LUZP2: variants seen among roughly 807,000 people sequenced by gnomAD.
The protein encoded by LUZP2 is leucine zipper protein 2.
A neutral mutation model predicts 51.6 loss-of-function variants in LUZP2; 52 were observed. The ratio of observed to expected loss-of-function variants is 1.01; its 90% CI spans 0.81 to 1.27. The LOEUF (loss-of-function observed/expected upper bound fraction) is 1.27, where lower values mean the gene tolerates loss of function less well. Ranked by LOEUF, LUZP2 falls within the 50% of genes most tolerant of loss-of-function variation. The pLI is 0.00. For missense variants in LUZP2, 436 were observed against 395.4 expected, an observed-to-expected ratio of 1.10 and a Z score of -0.87; for synonymous variants, 154 against 137.3, an observed-to-expected ratio of 1.12 and a Z score of -0.85.
At chr11:24,543,810 A>G (rs1459738154) in intron 1 of LUZP2, among the ~76,000 whole-genome samples, 1 of 98,482 alleles carries the variant, frequency 1.0e-5, no homozygotes, top group Non-Finnish European at 1.8e-5. Context: ...TGACAGACTG[A>G]GACTCTGTCT....
At chr11:25,035,017 G>A (rs1857808531) in intron 9 of LUZP2, among the ~76,000 whole-genome samples, 1 of 151,970 alleles carries the variant, frequency 6.6e-6, no homozygotes, top group Non-Finnish European at 1.5e-5. Flanking sequence ...TGACAATTTA[G>A]ACACCAAAGG....
At chr11:24,985,296 CTGTT>C (rs1363000371) in intron 9 of LUZP2, among the ~76,000 whole-genome samples, 6 of 151,662 alleles carry the variant, frequency 4.0e-5, no homozygotes. Context: ...AGGTCATCTT[CTGTT>C]TGTTTCCTTG....
chr11:24,864,230 T>C (rs1008744096), intron 5 of LUZP2, among the ~76,000 whole-genome samples: 2 of 152,168 alleles, frequency 1.3e-5, no homozygotes, highest in Non-Finnish European at 1.5e-5. Flanking sequence ...GAAGTTTCTA[T>C]GATGTAGACT....
intron 4 of LUZP2, among the ~76,000 whole-genome samples, chr11:24,754,594 T>C (rs992197658): frequency 6.6e-6 from 1 of 152,166 alleles, no homozygotes; most frequent in Non-Finnish European, 1.5e-5. Flanking sequence ...TGAATGTCCC[T>C]GACATCATAA....
intron 1 of LUZP2, among the ~76,000 whole-genome samples, chr11:24,702,087 G>C (rs980320910): frequency 6.6e-6 from 1 of 152,106 alleles, no homozygotes; most frequent in African/African-American, 2.4e-5. Flanking sequence ...TTAACGTGCT[G>C]TGAAATACTG....
chr11:24,558,350 T>G lies in LUZP2; in HGVS notation c.62+61045T>G, dbSNP rs1373002150. 3.3e-5 allele frequency among the ~76,000 whole-genome samples: 5 copies of G among 149,842 alleles called. No individual in the cohort carries two copies. The South Asian group carries it at 6.4e-4, about 19-fold the overall frequency. ...GATTTTTTCGGACTTCATAATAAAG[T>G]GAGCCAATTCTCCTAATAAATCTTT... On this transcript the variant is annotated intron_variant, in intron 1 of 11. Coordinates refer to ENST00000336930, the MANE Select transcript of LUZP2 (RefSeq NM_001009909.4).
rs1848859613 is a variant in LUZP2, at chr11:24,774,546, T to A, written c.396+11238T>A. Reference sequence around the variant, plus strand: ...ATGTAGAATATATATAAAGAATATATATAGAATATATTCTATATATATGTA... The same window carrying A: ...ATGTAGAATATATATAAAGAATATAAATAGAATATATTCTATATATATGTA... On this transcript the variant is annotated intron_variant, in intron 5 of 11. Transcript: ENST00000336930. Among the ~76,000 whole-genome samples the A allele has an allele frequency of 4.2e-5, 3 of 72,138 alleles. No individual in the cohort carries two copies. The Admixed American group carries it at 5.5e-4, about 13-fold the overall frequency. 47.3% of individuals were successfully genotyped at this position (72,138 alleles called of 152,430 possible). A position where few individuals can be genotyped will look rare whatever the true frequency, so the allele number is the denominator to read the frequency against.
At chr11:24,703,443 T>C (rs539120050) in intron 1 of LUZP2, among the ~76,000 whole-genome samples, 1 of 152,172 alleles carries the variant, frequency 6.6e-6, no homozygotes. Context: ...AGCCTGATTT[T>C]AGATTTCATT....
At chr11:24,706,814 C>G (rs929336323) in intron 1 of LUZP2, among the ~76,000 whole-genome samples, 34 of 146,864 alleles carry the variant, frequency 2.3e-4, no homozygotes, top group Admixed American at 4.1e-4. Context: ...CTCCTCAGAT[C>G]TCTTTATTTT....
intron 1 of LUZP2, among the ~76,000 whole-genome samples, chr11:24,649,217 C>T (rs1200950023): frequency 6.6e-6 from 1 of 151,940 alleles, no homozygotes; most frequent in East Asian, 1.9e-4. Context: ...AGGGAGGCTC[C>T]TCAGTAGAAT....
intron 7 of LUZP2, among the ~76,000 whole-genome samples, chr11:24,923,912 TTTATC>T (rs1396779513): frequency 1.3e-5 from 2 of 152,132 alleles, no homozygotes; most frequent in Non-Finnish European, 2.9e-5. Context: ...CTGTGTTTAC[TTTATC>T]TTAAGTAAAA....
intron 1 of LUZP2, among the ~76,000 whole-genome samples, chr11:24,623,670 A>G (rs1476051185): frequency 1.3e-5 from 2 of 151,846 alleles, no homozygotes; most frequent in Admixed American, 1.3e-4. Flanking sequence ...ACATGGTGAA[A>G]CCCCCTCTCT....
intron 7 of LUZP2, among the ~76,000 whole-genome samples, chr11:24,960,010 T>C (rs1855344335): frequency 6.6e-6 from 1 of 152,222 alleles, no homozygotes; most frequent in African/African-American, 2.4e-5. Context: ...GAGATAATCA[T>C]GTGGTTTTTG....
chr11:24,750,186 A>G (rs1859528036), intron 4 of LUZP2, among the ~76,000 whole-genome samples: 1 of 152,290 alleles, frequency 6.6e-6, no homozygotes, highest in Non-Finnish European at 1.5e-5. Flanking sequence ...TTTCTTACCC[A>G]GATGAATGCC....
chr11:24,639,452 TTTTG>T (rs200741979), intron 1 of LUZP2, among the ~76,000 whole-genome samples: 225 of 151,846 alleles, frequency 1.5e-3, no homozygotes, highest in East Asian at 0.013. Flanking sequence ...TCATATTTTG[TTTTG>T]TTTGTTTGTT....
intron 5 of LUZP2, among the ~76,000 whole-genome samples, chr11:24,774,360 CTCTATA>C (rs1212852166): frequency 1.2e-4 from 9 of 76,170 alleles, no homozygotes; most frequent in South Asian, 4.6e-4. Context: ...CTCTCTCTCT[CTCTATA>C]TATATATATA....
intron 10 of LUZP2, among the ~76,000 whole-genome samples, chr11:25,053,875 C>T (rs1429725583): frequency 2.0e-5 from 3 of 152,062 alleles, no homozygotes; most frequent in Admixed American, 1.3e-4. Context: ...TACATTCTTT[C>T]CCCCTTTGAA....
Position 24,764,389 on chromosome 11 carries a change from C to A in LUZP2, c.396+1081C>A, listed in dbSNP as rs1860101137. 2.7e-5 allele frequency among the ~76,000 whole-genome samples: 4 copies of A among 150,874 alleles called. No homozygotes were observed. The South Asian group carries it at 8.4e-4, about 32-fold the overall frequency. ...AAAACCACTAGGCTGGGCACAGTGG[C>A]TCACAACTATAATCCCAGCACTTAG... On this transcript the variant is annotated intron_variant, in intron 5 of 11. Transcript: ENST00000336930.
intron 9 of LUZP2, among the ~76,000 whole-genome samples, chr11:25,006,282 T>C (rs1312260298): frequency 2.0e-5 from 3 of 152,146 alleles, no homozygotes; most frequent in African/African-American, 7.2e-5. Context: ...GAAGTTTGTC[T>C]GACAGGCATT....
Sources: gnomAD v4.1 joint callset for allele counts (sites outside exome capture counted in the v4.1 genomes callset) on GRCh38, gnomAD v4.1.1 for gene constraint, MANE v1.5 for transcripts, NCBI Gene and HGNC (gene_info 2026-07-23, HGNC 2026-07-21) for gene names.